The following DDAH1 variants were observed in gnomAD, a reference collection of about 807,000 sequenced individuals.
DDAH1 encodes dimethylarginine dimethylaminohydrolase 1, also known as N(G),N(G)-dimethylarginine dimethylaminohydrolase 1.
Under a neutral mutation model 28.8 loss-of-function variants are expected in DDAH1, and 19 were observed. The observed-to-expected ratio is 0.66, with a 90% CI of 0.46 to 0.97. The LOEUF (loss-of-function observed/expected upper bound fraction) is 0.97. Ranked by LOEUF, DDAH1 falls within the 50% of genes least tolerant of loss-of-function variation. The probability of loss-of-function intolerance (pLI) is 0.00; values close to 1 mark genes in which losing one functional copy is unlikely to be tolerated. For missense variants in DDAH1, 326 were observed against 375.9 expected (o/e 0.87, Z 1.10); for synonymous variants, 153 against 154.4 (o/e 0.99, Z 0.07).
At chr1:85,344,352 A>G (rs1024896273) in intron 4 of DDAH1, among the ~76,000 whole-genome samples, 1 of 152,222 alleles carries the variant, frequency 6.6e-6, no homozygotes, top group African/African-American at 2.4e-5. Context: ...ACAAAAACAA[A>G]ACAAGACAAA....
chr1:85,433,818 A>G (rs1653812996), intron 1 of DDAH1, among the ~76,000 whole-genome samples: 1 of 152,212 alleles, frequency 6.6e-6, no homozygotes. Flanking sequence ...TTTAAACTTA[A>G]GATACAAATA....
chr1:85,457,959 G>C (rs1330070292), intron 1 of DDAH1, among the ~76,000 whole-genome samples: 3 of 152,158 alleles, frequency 2.0e-5, no homozygotes, highest in African/African-American at 7.2e-5. Flanking sequence ...AAAGTGCTGG[G>C]ATTACAGGCG....
At chr1:85,475,709 C>T (rs551833332) in intron 2 of DDAH1, among the ~76,000 whole-genome samples, 1 of 152,130 alleles carries the variant, frequency 6.6e-6, no homozygotes, top group African/African-American at 2.4e-5. Context: ...TATATCGGGA[C>T]CTGCATCATG....
intron 1 of DDAH1, among the ~76,000 whole-genome samples, chr1:85,564,480 A>C (rs924858755): frequency 2.6e-5 from 4 of 152,178 alleles, no homozygotes; most frequent in African/African-American, 9.6e-5. Flanking sequence ...TTTTTGTTTA[A>C]ATTTCGTGAA....
chr1:85,392,189 T>C (rs796559151), intron 1 of DDAH1, among the ~76,000 whole-genome samples: 16 of 152,278 alleles, frequency 1.1e-4, no homozygotes, highest in African/African-American at 3.6e-4. Context: ...GGTTGGTTCC[T>C]TGCTAAGGCT....
At chr1:85,370,225 G>C (rs1322044057) in intron 1 of DDAH1, among the ~76,000 whole-genome samples, 2 of 152,168 alleles carry the variant, frequency 1.3e-5, no homozygotes. Flanking sequence ...GCCATGTGAA[G>C]ACACAGATGG....
intron 1 of DDAH1, among the ~76,000 whole-genome samples, chr1:85,521,022 G>A (rs1477901724): frequency 6.6e-6 from 1 of 152,164 alleles, no homozygotes; most frequent in Non-Finnish European, 1.5e-5. Context: ...TGCTGAAAGT[G>A]TTAAGTTACC....
chr1:85,382,361 G>A (rs1193833237), intron 1 of DDAH1, among the ~76,000 whole-genome samples: 1 of 152,216 alleles, frequency 6.6e-6, no homozygotes, highest in Non-Finnish European at 1.5e-5. Flanking sequence ...TACGAGATCT[G>A]AGAAGAGGTG....
At position 85,350,649 on chromosome 1, in the gene DDAH1, T is replaced by G. The variant is rs1322933785; in HGVS notation, c.478-115A>C. On this transcript the variant is annotated intron_variant, in intron 3 of 5. Transcript: ENST00000284031. ...GAAGGCTGACAGGGACCTTGAATATTTGGAAGAAAAACTGGGACCCACAGA... is the reference window on the plus strand; with the variant it reads ...GAAGGCTGACAGGGACCTTGAATATGTGGAAGAAAAACTGGGACCCACAGA... 17 of 1,286,984 alleles carry G rather than the reference T, an allele frequency of 1.3e-5. No individual in the cohort carries two copies. The East Asian group carries it at 3.8e-4, about 29-fold the overall frequency. 79.7% of individuals were successfully genotyped at this position (1,286,984 alleles called of 1,614,324 possible). A position where few individuals can be genotyped will look rare whatever the true frequency, so the allele number is the denominator to read the frequency against.
intron 1 of DDAH1, among the ~76,000 whole-genome samples, chr1:85,437,699 T>C (rs1388226099): frequency 6.6e-6 from 1 of 152,234 alleles, no homozygotes; most frequent in Non-Finnish European, 1.5e-5. Context: ...AAAAGTTATA[T>C]GCAGTTTTTT....
intron 1 of DDAH1, among the ~76,000 whole-genome samples, chr1:85,536,171 A>G (rs1223234449): frequency 8.2e-4 from 125 of 151,972 alleles, no homozygotes; most frequent in Non-Finnish European, 9.4e-4. Flanking sequence ...CAGGAGGCAG[A>G]GGTTGCAGTG....
upstream of DDAH1, among the ~76,000 whole-genome samples, chr1:85,465,436 A>G (rs942625162): frequency 8.7e-5 from 13 of 148,736 alleles, no homozygotes; most frequent in African/African-American, 2.7e-4. Context: ...GTTCTGTCGC[A>G]GGTGCACACC....
chr1:85,402,368 T>C (rs1474524475), intron 1 of DDAH1, among the ~76,000 whole-genome samples: 1 of 152,096 alleles, frequency 6.6e-6, no homozygotes. Context: ...TAAGTGTGAA[T>C]GCTTTTCTTC....
At chr1:85,516,163 T>C (rs1280265434) in intron 1 of DDAH1, among the ~76,000 whole-genome samples, 2 of 151,848 alleles carry the variant, frequency 1.3e-5, no homozygotes, top group Non-Finnish European at 2.9e-5. Context: ...TCTGAGGTAC[T>C]GGGGGTTAGA....
intron 1 of DDAH1, among the ~76,000 whole-genome samples, chr1:85,526,258 G>T (rs1337457259): frequency 6.6e-6 from 1 of 152,206 alleles, no homozygotes; most frequent in Non-Finnish European, 1.5e-5. Context: ...TATTCCTGAA[G>T]CTAATAGCTT....
intron 1 of DDAH1, among the ~76,000 whole-genome samples, chr1:85,529,153 TGTG>T (rs1297364880): frequency 6.6e-6 from 1 of 151,692 alleles, no homozygotes; most frequent in Non-Finnish European, 1.5e-5. Context: ...AAAGAAACTT[TGTG>T]GTGATTACAT....
chr1:85,559,301 C>A (rs1355559736), intron 1 of DDAH1, among the ~76,000 whole-genome samples: 8 of 152,158 alleles, frequency 5.3e-5, no homozygotes, highest in Non-Finnish European at 8.8e-5. Context: ...TTATTCTAGA[C>A]CTGCCCTAGA....
intron 1 of DDAH1, among the ~76,000 whole-genome samples, chr1:85,418,822 A>G (rs769703973): frequency 3.9e-5 from 6 of 152,208 alleles, no homozygotes; most frequent in Non-Finnish European, 8.8e-5. Flanking sequence ...TATGGGTCCT[A>G]TCCCATAATC....
At chr1:85,471,970 C>T (rs778929354) in intron 2 of DDAH1, among the ~76,000 whole-genome samples, 1 of 152,206 alleles carries the variant, frequency 6.6e-6, no homozygotes, top group Non-Finnish European at 1.5e-5. Context: ...CTGACCTTCT[C>T]CTGCCCTCCT....
Sources: gnomAD v4.1 joint callset for allele counts (sites outside exome capture counted in the v4.1 genomes callset) on GRCh38, gnomAD v4.1.1 for gene constraint, MANE v1.5 for transcripts, NCBI Gene and HGNC (gene_info 2026-07-23, HGNC 2026-07-21) for gene names.